ZNF536: variants seen among roughly 807,000 people sequenced by gnomAD.
ZNF536 encodes the protein zinc finger protein 536.
In ZNF536, 13 loss-of-function variants were observed where a neutral mutation model predicts 84.5. The ratio of observed to expected loss-of-function variants is 0.15; its 90% CI spans 0.10 to 0.24. The LOEUF (loss-of-function observed/expected upper bound fraction) is 0.24. Ranked by LOEUF, ZNF536 falls within the 10% of genes least tolerant of loss-of-function variation. The pLI, the probability that ZNF536 is intolerant of heterozygous loss-of-function variation, is 1.00. For synonymous variants in ZNF536, 811 were observed against 742.5 expected, an observed-to-expected ratio of 1.09 and a Z score of -1.50; for missense variants, 1,536 against 1,747.5, an observed-to-expected ratio of 0.88 and a Z score of 2.16.
intron 1 of ZNF536, among the ~76,000 whole-genome samples, chr19:30,674,737 A>C (rs1476396401): frequency 6.6e-6 from 1 of 152,176 alleles, no homozygotes; most frequent in Non-Finnish European, 1.5e-5. Flanking sequence ...TTGCCTCTGT[A>C]GCTGGGATGT....
intron 1 of ZNF536, among the ~76,000 whole-genome samples, chr19:30,439,947 TTTTC>T (rs899254162): frequency 0.026 from 3,781 of 142,896 alleles, 245 homozygotes; most frequent in African/African-American, 0.091. Context: ...TTTCTTTTCT[TTTTC>T]TTTCTTTCTT....
chr19:30,384,226 CCCTCCCTT>C (rs1331715285), intron 1 of ZNF536, among the ~76,000 whole-genome samples: 1,648 of 57,364 alleles, frequency 0.029, 259 homozygotes, highest in African/African-American at 0.16. Flanking sequence ...CTCCCTCCCT[CCCTCCCTT>C]CCTTCTTTCC....
intron 2 of ZNF536, among the ~76,000 whole-genome samples, chr19:30,347,120 T>TTTTTTTTTTTTTTTTCC (rs10678520): frequency 6.8e-6 from 1 of 147,362 alleles, no homozygotes. Context: ...TTTTTTTTTT[T>TTTTTTTTTTTTTTTTCC]ATATGATTCT....
intron 1 of ZNF536, among the ~76,000 whole-genome samples, chr19:30,691,595 G>A (rs2051411950): frequency 6.6e-6 from 1 of 152,196 alleles, no homozygotes; most frequent in African/African-American, 2.4e-5. Flanking sequence ...GGTGCATTGC[G>A]TTTTATCGCT....
intron 2 of ZNF536, among the ~76,000 whole-genome samples, chr19:30,446,809 C>A (rs990068387): frequency 1.6e-4 from 21 of 132,044 alleles, no homozygotes; most frequent in South Asian, 4.5e-4. Context: ...AAAAAAAAAA[C>A]CAAAACAACA....
At chr19:30,564,412 A>C (rs770571161) in intron 1 of ZNF536, among the ~76,000 whole-genome samples, 4 of 152,044 alleles carry the variant, frequency 2.6e-5, no homozygotes, top group Non-Finnish European at 5.9e-5. Context: ...GAAATGGGTA[A>C]AGAGGAGAGA....
At chr19:30,390,524 G>T (rs892045857) in intron 1 of ZNF536, among the ~76,000 whole-genome samples, 16 of 152,208 alleles carry the variant, frequency 1.1e-4, no homozygotes, top group Non-Finnish European at 1.2e-4. Context: ...CCCCTATGCT[G>T]GTCCCCACTT....
chr19:30,638,794 A>G (rs1254592344), intron 1 of ZNF536, among the ~76,000 whole-genome samples: 3 of 152,152 alleles, frequency 2.0e-5, no homozygotes, highest in African/African-American at 7.2e-5. Flanking sequence ...GCAAAACTTT[A>G]TATATCTTTG....
intron 1 of ZNF536, among the ~76,000 whole-genome samples, chr19:30,612,478 A>G (rs987642991): frequency 6.6e-6 from 1 of 152,206 alleles, no homozygotes; most frequent in Admixed American, 6.5e-5. Flanking sequence ...TGGAGATACC[A>G]TGGAGAGAGG....
intron 1 of ZNF536, among the ~76,000 whole-genome samples, chr19:30,389,528 C>T (rs1386988276): frequency 2.6e-5 from 4 of 152,138 alleles, no homozygotes; most frequent in African/African-American, 7.2e-5. Flanking sequence ...AGTACAGATA[C>T]GACTAGTAAT....
chr19:30,565,938 GT>G (rs914729408), intron 1 of ZNF536, among the ~76,000 whole-genome samples: 29 of 152,214 alleles, frequency 1.9e-4, no homozygotes, highest in Admixed American at 1.4e-3. Flanking sequence ...AGCAATCAGT[GT>G]CATCAACCGC....
intron 2 of ZNF536, among the ~76,000 whole-genome samples, chr19:30,466,778 A>AAGGAAGGC (rs1348600931): frequency 6.9e-6 from 1 of 145,744 alleles, no homozygotes. Flanking sequence ...GGAAGGAAGG[A>AAGGAAGGC]AGGAAGGAAG....
At chr19:30,250,477 G>A (rs941763844) in intron 1 of ZNF536, among the ~76,000 whole-genome samples, 3 of 152,316 alleles carry the variant, frequency 2.0e-5, no homozygotes, top group South Asian at 2.1e-4. Context: ...CTCTGGCATC[G>A]TGTGTCTGTC....
chr19:30,326,812 T>G (rs1600232684), intron 2 of ZNF536, among the ~76,000 whole-genome samples: 7 of 137,250 alleles, frequency 5.1e-5, no homozygotes, highest in Non-Finnish European at 7.8e-5. Flanking sequence ...TTTTTTTTTT[T>G]TTTTTTGTTT....
chr19:30,257,800 TGCAAC>T (rs2145200142), intron 1 of ZNF536, among the ~76,000 whole-genome samples: 1 of 152,366 alleles, frequency 6.6e-6, no homozygotes, highest in South Asian at 2.1e-4. Flanking sequence ...GCGGACCCAT[TGCAAC>T]TGGAGGAGCT....
At chr19:30,612,663 C>CT (rs532183433) in intron 1 of ZNF536, among the ~76,000 whole-genome samples, 197 of 152,274 alleles carry the variant, frequency 1.3e-3, no homozygotes, top group Non-Finnish European at 2.4e-3. Flanking sequence ...ACCTTTTCAA[C>CT]TTTTTATTTC....
intron 1 of ZNF536, among the ~76,000 whole-genome samples, chr19:30,605,149 G>A (rs1316963041): frequency 6.6e-6 from 1 of 152,182 alleles, no homozygotes; most frequent in African/African-American, 2.4e-5. Flanking sequence ...GAAGGTAATA[G>A]TGGATGGTGC....
chr19:30,516,629 C>G (rs569833682), intron 2 of ZNF536, among the ~76,000 whole-genome samples: 1 of 152,160 alleles, frequency 6.6e-6, no homozygotes, highest in Non-Finnish European at 1.5e-5. Flanking sequence ...GCCCTTCGCT[C>G]GGCTCTGTTG....
chr19:30,271,299 C>CTTTTTTTTTTTTTTT (rs781528411), intron 1 of ZNF536, among the ~76,000 whole-genome samples: 1 of 111,840 alleles, frequency 8.9e-6, no homozygotes, highest in Non-Finnish European at 1.7e-5. Context: ...TTTTTCTTTT[C>CTTTTTTTTTTTTTTT]TTTTTTTTTT....
Sources: gnomAD v4.1 joint callset for allele counts (sites outside exome capture counted in the v4.1 genomes callset) on GRCh38, gnomAD v4.1.1 for gene constraint, MANE v1.5 for transcripts, NCBI Gene and HGNC (gene_info 2026-07-23, HGNC 2026-07-21) for gene names.